The following ARID1B variants were observed in gnomAD, a reference collection of about 807,000 sequenced individuals.
The protein encoded by ARID1B is AT-rich interaction domain 1B.
Under a neutral mutation model 212.3 loss-of-function variants are expected in ARID1B, and 30 were observed. That is an observed-to-expected ratio of 0.14 (90% CI 0.11 to 0.19). The LOEUF is 0.19. Ranked by LOEUF, ARID1B falls within the 10% of genes least tolerant of loss-of-function variation. The probability of loss-of-function intolerance (pLI) is 1.00; values close to 1 mark genes in which losing one functional copy is unlikely to be tolerated. For missense variants in ARID1B, 2,891 were observed against 3,204.0 expected, an observed-to-expected ratio of 0.90 and a Z score of 2.36; for synonymous variants, 1,402 against 1,301.7, an observed-to-expected ratio of 1.08 and a Z score of -1.66.
At chr6:156,963,280 A>G (rs1794523423) in intron 4 of ARID1B, among the ~76,000 whole-genome samples, 1 of 152,156 alleles carries the variant, frequency 6.6e-6, no homozygotes, top group Non-Finnish European at 1.5e-5. Context: ...TTCTCTTTCT[A>G]AAAATCGCTC....
intron 4 of ARID1B, among the ~76,000 whole-genome samples, chr6:156,971,914 T>C (rs1776957884): frequency 6.6e-6 from 1 of 152,234 alleles, no homozygotes; most frequent in East Asian, 1.9e-4. Context: ...GGTTTAATGG[T>C]AGGATTGCTA....
At chr6:157,019,856 A>G (rs150189732) in intron 4 of ARID1B, among the ~76,000 whole-genome samples, 1 of 152,324 alleles carries the variant, frequency 6.6e-6, no homozygotes, top group African/African-American at 2.4e-5. Context: ...CGAGGACACA[A>G]CCATGCCATT....
intron 8 of ARID1B, among the ~76,000 whole-genome samples, chr6:157,157,790 A>T (rs754689711): frequency 2.0e-5 from 3 of 152,204 alleles, no homozygotes; most frequent in Non-Finnish European, 4.4e-5. Context: ...TGGGCTGCCA[A>T]GGTAGGAGAA....
At chr6:157,038,262 G>A (rs1031166321) in intron 4 of ARID1B, among the ~76,000 whole-genome samples, 1 of 152,174 alleles carries the variant, frequency 6.6e-6, no homozygotes, top group African/African-American at 2.4e-5. Flanking sequence ...AACTATTACA[G>A]AACACCAGGT....
rs908767078 is a variant in ARID1B, at chr6:157,124,023, G to A, written c.2582-9005G>A. Among the ~76,000 whole-genome samples the A allele has an allele frequency of 3.3e-5, 5 of 152,218 alleles. No homozygotes were observed. In the South Asian group the frequency reaches 1.0e-3, roughly 32 times the overall value. ...GGTGGATGCGTCTGATAGACATTTAGGCCATGGAAATAATTGTGCTTTCTG... is the reference window on the plus strand; with the variant it reads ...GGTGGATGCGTCTGATAGACATTTAAGCCATGGAAATAATTGTGCTTTCTG... On this transcript the variant is annotated intron_variant, in intron 6 of 19. Transcript: ENST00000636930.
intron 4 of ARID1B, among the ~76,000 whole-genome samples, chr6:157,067,562 T>C (rs760771110): frequency 1.3e-5 from 2 of 152,198 alleles, no homozygotes; most frequent in Non-Finnish European, 2.9e-5. Flanking sequence ...CAAATGTGCA[T>C]GTATAGAGAG....
intron 4 of ARID1B, among the ~76,000 whole-genome samples, chr6:157,041,161 A>C (rs897143013): frequency 1.3e-5 from 2 of 152,210 alleles, no homozygotes; most frequent in African/African-American, 4.8e-5. Flanking sequence ...AATTCTATAG[A>C]AAAATAAATC....
chr6:157,048,225 C>G (rs191596081), intron 4 of ARID1B, among the ~76,000 whole-genome samples: 1 of 152,130 alleles, frequency 6.6e-6, no homozygotes, highest in Non-Finnish European at 1.5e-5. Flanking sequence ...CCAAGTAGAA[C>G]ATTTATGTGA....
intron 4 of ARID1B, among the ~76,000 whole-genome samples, chr6:157,034,917 T>C (rs1342739476): frequency 6.6e-6 from 1 of 152,182 alleles, no homozygotes; most frequent in African/African-American, 2.4e-5. Flanking sequence ...TTAAATTCGT[T>C]TAAAGGTATA....
chr6:157,096,349 GGA>G (rs1423385672), intron 5 of ARID1B, among the ~76,000 whole-genome samples: 1 of 152,178 alleles, frequency 6.6e-6, no homozygotes, highest in Non-Finnish European at 1.5e-5. Flanking sequence ...GAATTCAAAA[GGA>G]GAGAGTTCTG....
At chr6:156,951,187 A>G (rs1046840884) in intron 4 of ARID1B, among the ~76,000 whole-genome samples, 2 of 152,186 alleles carry the variant, frequency 1.3e-5, no homozygotes, top group African/African-American at 4.8e-5. Flanking sequence ...TGATGTTTTT[A>G]TATAGAATTT....
rs1228341153 is a variant in ARID1B at position 156,778,052 on chromosome 6, C to T, written c.372C>T (p.Ser124=). The T allele has an allele frequency of 6.5e-7, 1 of 1,535,252 alleles. No individual in the cohort carries two copies. The highest frequency in any genetic ancestry group is 8.7e-7 in the Non-Finnish European group (1 of 1,145,400). ...AAALSSSSSS[S]AAAAAASSSS... is the part of the protein sequence containing the mutation. ...CGCTGTCCTCCTCCTCCTCCTCCTC[C>T]GCGGCGGCAGCGGCGGCATCCTCTT... The change falls in exon 1 of 20, where the codon TCC becomes TCT. Residue 124 remains serine, a synonymous_variant. Coordinates refer to ENST00000636930, the MANE Select transcript of ARID1B (RefSeq NM_001374828.1).
At chr6:156,983,069 C>G (rs368422611) in intron 4 of ARID1B, among the ~76,000 whole-genome samples, 3 of 143,980 alleles carry the variant, frequency 2.1e-5, no homozygotes, top group African/African-American at 7.8e-5. Context: ...CACTCCAGTC[C>G]GGGCAACAGA....
chr6:156,864,275 G>A (rs1366638135), intron 2 of ARID1B, among the ~76,000 whole-genome samples: 1 of 152,180 alleles, frequency 6.6e-6, no homozygotes. Flanking sequence ...AGCCCTCTGA[G>A]TGGGATAAGG....
intron 19 of ARID1B, chr6:157,204,276 A>C: frequency 4.1e-6 from 1 of 245,496 alleles, no homozygotes. Flanking sequence ...GTAACATTAA[A>C]TTGTTCAGAA....
At chr6:157,097,458 C>T (rs896948891) in intron 5 of ARID1B, among the ~76,000 whole-genome samples, 5 of 152,192 alleles carry the variant, frequency 3.3e-5, no homozygotes, top group Non-Finnish European at 5.9e-5. Flanking sequence ...AACACGGTCC[C>T]TCGTACCTAC....
intron 4 of ARID1B, among the ~76,000 whole-genome samples, chr6:156,984,332 T>G (rs192321711): frequency 1.1e-3 from 169 of 152,352 alleles, no homozygotes; most frequent in Non-Finnish European, 1.9e-3. Flanking sequence ...TCTACCTAGA[T>G]GTCTCATCAG....
intron 1 of ARID1B, among the ~76,000 whole-genome samples, chr6:156,782,015 G>T: frequency 1.6e-5 from 2 of 125,732 alleles, no homozygotes; most frequent in Admixed American, 8.5e-5. Context: ...GTTGAGGTTG[G>T]GGGAAATATG....
chr6:157,154,325 G>C (rs1177059976), intron 8 of ARID1B, among the ~76,000 whole-genome samples: 1 of 152,160 alleles, frequency 6.6e-6, no homozygotes, highest in African/African-American at 2.4e-5. Flanking sequence ...TTGAGATTGT[G>C]TCAAAATTCT....
Sources: gnomAD v4.1 joint callset for allele counts (sites outside exome capture counted in the v4.1 genomes callset) on GRCh38, gnomAD v4.1.1 for gene constraint, MANE v1.5 for transcripts, NCBI Gene and HGNC (gene_info 2026-07-23, HGNC 2026-07-21) for gene names.